Variants in G3BP2 observed in about 807,000 individuals in gnomAD.
G3BP2 encodes the protein ras GTPase-activating protein-binding protein 2.
Under a neutral mutation model 56.7 loss-of-function variants are expected in G3BP2, and 11 were observed. The ratio of observed to expected loss-of-function variants is 0.19; its 90% CI spans 0.12 to 0.32. The LOEUF (loss-of-function observed/expected upper bound fraction) is 0.32, where lower values mean the gene tolerates loss of function less well. Ranked by LOEUF, G3BP2 falls within the 10% of genes least tolerant of loss-of-function variation. The probability of loss-of-function intolerance (pLI) is 1.00; values close to 1 mark genes in which losing one functional copy is unlikely to be tolerated. For synonymous variants in G3BP2, 165 were observed against 191.6 expected, an observed-to-expected ratio of 0.86 and a Z score of 1.15; for missense variants, 340 against 610.9, an observed-to-expected ratio of 0.56 and a Z score of 4.67.
chr4:75,724,431 C>A (rs539968908), exon 1 of G3BP2: 2 of 256,970 alleles, frequency 7.8e-6, no homozygotes, highest in Non-Finnish European at 1.5e-5. Context: ...CAGGGCCGGG[C>A]TTCCACCACG....
intron 3 of G3BP2, among the ~76,000 whole-genome samples, chr4:75,684,381 G>C (rs982083785): frequency 6.6e-6 from 1 of 151,322 alleles, no homozygotes; most frequent in Non-Finnish European, 1.5e-5. Context: ...CTCTGGCCTG[G>C]GCGACAGAGT....
At chr4:75,715,676 CAG>C (rs1719902066) in intron 3 of G3BP2, among the ~76,000 whole-genome samples, 1 of 152,198 alleles carries the variant, frequency 6.6e-6, no homozygotes, top group African/African-American at 2.4e-5. Flanking sequence ...CTTCATGCAA[CAG>C]AGTTAAAGGT....
At chr4:75,714,590 C>T (rs147486419) in intron 3 of G3BP2, among the ~76,000 whole-genome samples, 2,199 of 151,858 alleles carry the variant, frequency 0.014, 51 homozygotes, top group African/African-American at 0.05. Flanking sequence ...ATCGCACCAC[C>T]GCACTCCAGC....
upstream of G3BP2, among the ~76,000 whole-genome samples, chr4:75,674,509 T>C (rs1241641326): frequency 1.3e-5 from 2 of 151,986 alleles, no homozygotes; most frequent in African/African-American, 2.4e-5. Context: ...GATACTGTTA[T>C]ATGCAAAATA....
At chr4:75,722,998 C>G (rs1285060232) in intron 1 of G3BP2, among the ~76,000 whole-genome samples, 5 of 152,126 alleles carry the variant, frequency 3.3e-5, no homozygotes, top group Non-Finnish European at 7.3e-5. Flanking sequence ...GTTTAGCAAG[C>G]ATTTATTCAA....
chr4:75,720,222 T>C (rs966254648), intron 3 of G3BP2, among the ~76,000 whole-genome samples: 2 of 151,908 alleles, frequency 1.3e-5, no homozygotes, highest in African/African-American at 4.8e-5. Flanking sequence ...CTTTTAAAAA[T>C]ATTTTGAGGG....
At chr4:75,687,867 A>G (rs887875400) in intron 3 of G3BP2, among the ~76,000 whole-genome samples, 6 of 152,228 alleles carry the variant, frequency 3.9e-5, no homozygotes, top group Non-Finnish European at 8.8e-5. Flanking sequence ...GGGCCATACA[A>G]GGGTTTGAGG....
intron 8 of G3BP2, among the ~76,000 whole-genome samples, chr4:75,649,797 G>A (rs912652203): frequency 6.6e-6 from 1 of 152,158 alleles, no homozygotes; most frequent in African/African-American, 2.4e-5. Context: ...ATCACCTGAG[G>A]TCAGGAGTTT....
rs1170868574 is a variant in G3BP2, at chr4:75,645,557, A to G, written c.1322T>C (p.Val441Ala). ...ACGATCACGCATCATTCCACCACCC[A>G]CAATTCCACGTGGACCACCGGGACC... is the stretch of plus-strand genomic sequence containing the variant. ...DRGPGGPRGI[V>A]GGGMMRDRDG... The change falls in exon 12 of 12, where the codon GTG becomes GCG. Residue 441 changes from valine (V) to alanine (A), a missense_variant. Val to Ala is a moderately conservative substitution (Grantham distance 64). This residue lies in a region of G3BP2 where 94 missense variants were observed against 173.8 expected (regional missense o/e 0.54). Coordinates refer to ENST00000359707, the MANE Select transcript of G3BP2 (RefSeq NM_203505.3). 1 of 1,612,924 alleles carries G rather than the reference A, an allele frequency of 6.2e-7. No individual in the cohort carries two copies. The highest frequency in any genetic ancestry group is 1.3e-5 in the African/African-American group (1 of 74,494).
chr4:75,686,875 T>G (rs1014159607), intron 3 of G3BP2, among the ~76,000 whole-genome samples: 2 of 152,198 alleles, frequency 1.3e-5, no homozygotes, highest in African/African-American at 4.8e-5. Context: ...TTAACTTCCA[T>G]AAATAGTCTG....
chr4:75,655,350 G>T, intron 6 of G3BP2, 104 bp from the exon 7 acceptor site: 2 of 807,252 alleles, frequency 2.5e-6, no homozygotes, highest in Non-Finnish European at 4.1e-6. Flanking sequence ...CCAATAACTT[G>T]TTCTAGATCT....
chr4:75,697,273 C>CAAAAAAAAAAAAAAAAAAAAAAAAA (rs869037819), intron 3 of G3BP2, among the ~76,000 whole-genome samples: 13 of 28,832 alleles, frequency 4.5e-4, no homozygotes, highest in South Asian at 3.3e-3. Flanking sequence ...GACTCTGTCT[C>CAAAAAAAAAAAAAAAAAAAAAAAAA]AAAAAAAAAA....
At chr4:75,661,897 G>C (rs762542962) in intron 2 of G3BP2, 34 bp downstream of exon 2, 28 of 1,127,556 alleles carry the variant, frequency 2.5e-5, no homozygotes, top group East Asian at 4.7e-5. Context: ...AAAAAAAGTA[G>C]ATAAAAATAC....
intron 3 of G3BP2, among the ~76,000 whole-genome samples, chr4:75,681,576 GT>G (rs1400617298): frequency 6.6e-5 from 10 of 152,020 alleles, no homozygotes; most frequent in African/African-American, 2.4e-4. Flanking sequence ...CAGGCCAGGC[GT>G]GGTGGCTCAC....
chr4:75,646,978 T>G (rs778615890), intron 10 of G3BP2, 51 bp downstream of exon 10: 3 of 1,224,108 alleles, frequency 2.5e-6, no homozygotes, highest in Non-Finnish European at 3.4e-6. Flanking sequence ...ATATGCCTCT[T>G]GCTTAATTTA....
At chr4:75,659,045 G>A (rs954482465) in intron 2 of G3BP2, 121 bp from the exon 3 acceptor site, 15 of 767,392 alleles carry the variant, frequency 2.0e-5, no homozygotes, top group Non-Finnish European at 3.2e-5. Context: ...CGTGATCTTG[G>A]ACAGGTAAGT....
intron 8 of G3BP2, 22 bp from the exon 9 acceptor site, chr4:75,648,763 AC>A (rs760398226): frequency 3.4e-5 from 51 of 1,501,414 alleles, no homozygotes; most frequent in African/African-American, 1.1e-4. Flanking sequence ...AGAAAAAAAA[AC>A]ATTATAAAAA....
upstream of G3BP2, among the ~76,000 whole-genome samples, chr4:75,678,296 T>TTGTG (rs57550763): frequency 2.6e-3 from 382 of 144,562 alleles, 1 homozygote; most frequent in Middle Eastern, 7.1e-3. Flanking sequence ...CGTGCCTAGC[T>TTGTG]TGTGTGTGTG....
In G3BP2 at chr4:75,722,356, T is replaced by A. The variant is rs541031828; in HGVS notation, c.-165-112A>T. 2.0e-5 allele frequency among the ~76,000 whole-genome samples: 3 copies of A among 152,352 alleles called. No homozygotes were observed. The East Asian group carries it at 5.8e-4, about 29-fold the overall frequency. ...TACTCACTGAAGTACAGTAACCTAC[T>A]GTACCCACCAAAGTTTAAAACAAAA... On this transcript the variant is annotated intron_variant, in intron 1 of 3. Coordinates refer to the G3BP2 transcript ENST00000499709.
Sources: gnomAD v4.1 joint callset for allele counts (sites outside exome capture counted in the v4.1 genomes callset) on GRCh38, gnomAD v4.1.1 for gene constraint, gnomAD v4.1.1 regional missense constraint, MANE v1.5 for transcripts, NCBI Gene and HGNC (gene_info 2026-07-23, HGNC 2026-07-21) for gene names.